Variants in BRAF observed in about 807,000 individuals in gnomAD.
BRAF encodes serine/threonine-protein kinase B-raf.
Under a neutral mutation model 104.6 loss-of-function variants are expected in BRAF, and 16 were observed. The ratio of observed to expected loss-of-function variants is 0.15; its 90% CI spans 0.10 to 0.23. The LOEUF (loss-of-function observed/expected upper bound fraction) is 0.23, where lower values mean the gene tolerates loss of function less well. BRAF is among the 10% of genes least tolerant of loss of function. The pLI is 1.00. For synonymous variants in BRAF, 310 were observed against 341.6 expected (o/e 0.91, Z 1.02); for missense variants, 541 against 937.3 (o/e 0.58, Z 5.52).
intron 18 of BRAF, 53 bp from the exon 18 acceptor site, chr7:140,734,823 A>T: frequency 6.8e-7 from 1 of 1,481,412 alleles, no homozygotes; most frequent in Non-Finnish European, 8.9e-7. Context: ...AGAAAAAAAA[A>T]GAAAGAAAGA....
Position 140,719,696 on chromosome 7 carries a change from T to C in BRAF, c.*6798A>G. On this transcript the variant is annotated 3_prime_UTR_variant, in exon 20 of 20. Coordinates refer to ENST00000644969, the MANE Select transcript of BRAF (RefSeq NM_001374258.1). ...GAGACATCATCCATTTGACTGAAAA[T>C]AAATGTCTTTTTTATGAATTGAAAA... 1 of 1,060,452 alleles carries C rather than the reference T, an allele frequency of 9.4e-7. No individual in the cohort carries two copies. Among genetic ancestry groups the C allele is most frequent in the Non-Finnish European group, 1.1e-6 (1 of 875,508 alleles). 65.7% of individuals were successfully genotyped at this position (1,060,452 alleles called of 1,614,324 possible).
At chr7:140,769,972 T>C (rs1799684521) in intron 14 of BRAF, among the ~76,000 whole-genome samples, 1 of 152,224 alleles carries the variant, frequency 6.6e-6, no homozygotes, top group African/African-American at 2.4e-5. Flanking sequence ...AATAAGCATT[T>C]TCCTATTTTA....
intron 3 of BRAF, among the ~76,000 whole-genome samples, chr7:140,825,443 T>C (rs1805938912): frequency 6.6e-6 from 1 of 152,208 alleles, no homozygotes; most frequent in Non-Finnish European, 1.5e-5. Flanking sequence ...AATACGTTCA[T>C]TATAGACTGT....
intron 5 of BRAF, among the ~76,000 whole-genome samples, chr7:140,806,807 A>G (rs1803702486): frequency 6.6e-6 from 1 of 152,218 alleles, no homozygotes; most frequent in Admixed American, 6.5e-5. Context: ...AATGCCTTAC[A>G]GAAACACAAA....
chr7:140,824,888 C>T (rs1392463503), intron 3 of BRAF, among the ~76,000 whole-genome samples: 3 of 151,894 alleles, frequency 2.0e-5, no homozygotes, highest in African/African-American at 4.8e-5. Flanking sequence ...TAATGTTGAG[C>T]GTCTTCTCAT....
intron 1 of BRAF, among the ~76,000 whole-genome samples, chr7:140,922,223 A>T (rs1438418881): frequency 6.6e-6 from 1 of 152,244 alleles, no homozygotes; most frequent in Non-Finnish European, 1.5e-5. Context: ...GTATCCTTAT[A>T]GTTTCAGAAG....
Position 140,721,765 on chromosome 7 carries a change from A to C in BRAF, c.*4729T>G. 1 of 1,484,854 alleles carries C rather than the reference A, an allele frequency of 6.7e-7. No homozygotes were observed. Among genetic ancestry groups the C allele is most frequent in the Admixed American group, 2.3e-5 (1 of 44,254 alleles). The allele number at this position is 1,484,854 out of a possible 1,614,324, so 92.0% of individuals were successfully genotyped here. On this transcript the variant is annotated 3_prime_UTR_variant, in exon 20 of 20. Transcript: ENST00000644969. The stretch of plus-strand genomic sequence containing the variant: ...GGTGAGGAATGAAACAAGATACAAG[A>C]ACCACAGCATGGAATATGTTTTCTT...
downstream of BRAF, among the ~76,000 whole-genome samples, chr7:140,715,691 C>T (rs1055057213): frequency 3.9e-5 from 6 of 152,166 alleles, no homozygotes; most frequent in Admixed American, 6.5e-5. Context: ...GACCTCCACC[C>T]GCTGTATAGC....
intron 7 of BRAF, among the ~76,000 whole-genome samples, chr7:140,795,751 T>C (rs1311906301): frequency 2.0e-5 from 3 of 152,180 alleles, no homozygotes; most frequent in East Asian, 1.9e-4. Context: ...CCACTTAGAA[T>C]TGATATGCAA....
At position 140,721,773 on chromosome 7, in the gene BRAF, C is replaced by A; in HGVS notation, c.*4721G>T. 1 of 1,464,264 alleles carries A rather than the reference C, an allele frequency of 6.8e-7. No homozygotes were observed. Among genetic ancestry groups the A allele is most frequent in the Admixed American group, 2.4e-5 (1 of 42,068 alleles). The allele number at this position is 1,464,264 out of a possible 1,614,324, so 90.7% of individuals were successfully genotyped here. The stretch of plus-strand genomic sequence containing the variant: ...ATGAAACAAGATACAAGAACCACAG[C>A]ATGGAATATGTTTTCTTTTACATCC... On this transcript the variant is annotated 3_prime_UTR_variant, in exon 20 of 20. Transcript: ENST00000644969.
At chr7:140,888,798 G>A (rs1209016238) in intron 1 of BRAF, among the ~76,000 whole-genome samples, 5 of 151,494 alleles carry the variant, frequency 3.3e-5, no homozygotes, top group African/African-American at 7.3e-5. Flanking sequence ...TTGCGCCATT[G>A]CACTATAGCC....
At chr7:140,800,818 A>T (rs1803023542) in intron 6 of BRAF, among the ~76,000 whole-genome samples, 1 of 152,204 alleles carries the variant, frequency 6.6e-6, no homozygotes, top group Non-Finnish European at 1.5e-5. Context: ...GTTAAGTTTT[A>T]TTTGCTCAGG....
chr7:140,762,613 T>G (rs1344250440), intron 14 of BRAF, among the ~76,000 whole-genome samples: 6 of 138,506 alleles, frequency 4.3e-5, no homozygotes, highest in Non-Finnish European at 7.9e-5. Flanking sequence ...GTTTTTTTTT[T>G]TTTTTTTTTT....
chr7:140,900,996 T>A (rs1386522378), intron 1 of BRAF, among the ~76,000 whole-genome samples: 3 of 152,126 alleles, frequency 2.0e-5, no homozygotes, highest in Non-Finnish European at 4.4e-5. Context: ...TCATCCTCCC[T>A]CTCTGCTCAG....
intron 1 of BRAF, among the ~76,000 whole-genome samples, chr7:140,908,988 T>C (rs961773917): frequency 7.2e-6 from 1 of 138,604 alleles, no homozygotes; most frequent in Non-Finnish European, 1.5e-5. Flanking sequence ...CTCTACGTTT[T>C]CTTTTTTTTT....
rs112511701 is a variant in BRAF, at chr7:140,872,331, C to T, written c.139-22119G>A. On this transcript the variant is annotated intron_variant, in intron 1 of 19. Transcript: ENST00000644969. The stretch of plus-strand genomic sequence containing the variant: ...TAGCAAAATGGACAAAGCTAAAGTC[C>T]ATGGTACTTTAACAAAAAGTTAAAA... Among the ~76,000 whole-genome samples the T allele has an allele frequency of 4.2e-3, 632 of 151,172 alleles. 8 individuals are homozygous for T. The highest frequency in any genetic ancestry group is 0.036 in the South Asian group (174 of 4,780).
chr7:140,717,094 T>C (rs1034454224), downstream of BRAF, among the ~76,000 whole-genome samples: 3 of 152,224 alleles, frequency 2.0e-5, no homozygotes, highest in Non-Finnish European at 4.4e-5. Context: ...GGCTATGAAC[T>C]CACTGTCATG....
intron 3 of BRAF, chr7:140,822,305 T>C (rs754400186): frequency 6.6e-6 from 1 of 152,122 alleles, no homozygotes; most frequent in Non-Finnish European, 1.5e-5. Context: ...TACAATAAAC[T>C]GCAATGATTT....
At chr7:140,756,238 C>T (rs1196990830) in intron 14 of BRAF, among the ~76,000 whole-genome samples, 1 of 152,124 alleles carries the variant, frequency 6.6e-6, no homozygotes, top group Non-Finnish European at 1.5e-5. Context: ...CCTGAAACAA[C>T]ACTTTATACC....
Sources: allele counts gnomAD v4.1 joint callset (sites outside exome capture counted in the v4.1 genomes callset), GRCh38; gene constraint gnomAD v4.1.1; transcripts MANE v1.5; gene names NCBI Gene and HGNC (gene_info 2026-07-23, HGNC 2026-07-21).